Variants in NAALADL2 observed in about 807,000 individuals in gnomAD.
The protein encoded by NAALADL2 is inactive N-acetylated-alpha-linked acidic dipeptidase-like protein 2.
A neutral mutation model predicts 87.2 loss-of-function variants in NAALADL2; 76 were observed. The observed-to-expected ratio is 0.87, with a 90% CI of 0.72 to 1.05. The LOEUF is 1.05. Among genes scored for constraint, NAALADL2 ranks in the 50% least tolerant of loss-of-function variants. The pLI, the probability that NAALADL2 is intolerant of heterozygous loss-of-function variation, is 0.00. For synonymous variants in NAALADL2, 354 were observed against 331.0 expected (o/e 1.07, Z -0.75); for missense variants, 1,089 against 945.8 (o/e 1.15, Z -1.99).
At chr3:175,423,049 ATATT>A (rs1251858556) in intron 5 of NAALADL2, among the ~76,000 whole-genome samples, 34 of 112,522 alleles carry the variant, frequency 3.0e-4, no homozygotes, top group African/African-American at 9.7e-4. Flanking sequence ...ATATATATAT[ATATT>A]TTTTTTTTTT....
chr3:175,135,660 A>G (rs9880389), intron 2 of NAALADL2, among the ~76,000 whole-genome samples: 127,016 of 152,054 alleles, frequency 0.84, 53,265 homozygotes, highest in South Asian at 0.9. Context: ...GCAGATCATG[A>G]AGATAATACT....
At chr3:174,752,922 C>A (rs562542845) in intron 3 of NAALADL2, among the ~76,000 whole-genome samples, 2 of 152,232 alleles carry the variant, frequency 1.3e-5, no homozygotes, top group South Asian at 4.1e-4. Context: ...TAAACTGAGC[C>A]AGATGATGGA....
At chr3:174,542,403 G>C (rs1722326364) in intron 1 of NAALADL2, among the ~76,000 whole-genome samples, 2 of 152,130 alleles carry the variant, frequency 1.3e-5, no homozygotes, top group Non-Finnish European at 2.9e-5. Flanking sequence ...ATCTCTGGAT[G>C]CCTGATCTAA....
intron 12 of NAALADL2, among the ~76,000 whole-genome samples, chr3:175,746,086 C>T (rs150050329): frequency 3.3e-4 from 50 of 152,208 alleles, no homozygotes; most frequent in Admixed American, 1.7e-3. Context: ...GATTATCTCA[C>T]TAAATGTAAA....
chr3:174,707,500 C>T (rs1169148115), intron 2 of NAALADL2, among the ~76,000 whole-genome samples: 3 of 152,038 alleles, frequency 2.0e-5, no homozygotes, highest in Admixed American at 6.6e-5. Flanking sequence ...TTTGTAGCGA[C>T]ATGGATGAAG....
At chr3:175,755,721 A>G (rs1205650441) in intron 13 of NAALADL2, among the ~76,000 whole-genome samples, 1 of 150,584 alleles carries the variant, frequency 6.6e-6, no homozygotes, top group Non-Finnish European at 1.5e-5. Context: ...TTGCACTGAA[A>G]GAAATACACT....
chr3:175,205,325 G>A (rs930620687), intron 2 of NAALADL2, among the ~76,000 whole-genome samples: 5 of 152,062 alleles, frequency 3.3e-5, no homozygotes, highest in African/African-American at 1.2e-4. Context: ...CTTTGATGAA[G>A]CAAACAACTT....
At chr3:175,273,476 A>C (rs1753145301) in intron 4 of NAALADL2, among the ~76,000 whole-genome samples, 1 of 152,150 alleles carries the variant, frequency 6.6e-6, no homozygotes, top group African/African-American at 2.4e-5. Flanking sequence ...GTTACCTTCC[A>C]TGTTAGTATC....
chr3:175,256,604 G>A, intron 4 of NAALADL2, 74 bp downstream of exon 4: 1 of 1,441,776 alleles, frequency 6.9e-7, no homozygotes, highest in Non-Finnish European at 9.5e-7. Context: ...ATGCTTTTGT[G>A]AGTGTGGAGT....
At chr3:175,142,402 ACTAT>A (rs2108733314) in intron 2 of NAALADL2, among the ~76,000 whole-genome samples, 1 of 150,826 alleles carries the variant, frequency 6.6e-6, no homozygotes, top group Non-Finnish European at 1.5e-5. Flanking sequence ...CTGAGATCTT[ACTAT>A]GTATGTTACT....
intron 1 of NAALADL2, among the ~76,000 whole-genome samples, chr3:174,919,510 T>C (rs1330479333): frequency 1.3e-5 from 2 of 152,192 alleles, no homozygotes; most frequent in African/African-American, 4.8e-5. Flanking sequence ...ATTCATAAGA[T>C]TTGAGCAATT....
At chr3:174,468,893 G>C (rs908888213) in intron 1 of NAALADL2, among the ~76,000 whole-genome samples, 1 of 150,222 alleles carries the variant, frequency 6.7e-6, no homozygotes, top group Non-Finnish European at 1.5e-5. Flanking sequence ...CTTCCGAGTA[G>C]CTGGGATTAC....
intron 4 of NAALADL2, among the ~76,000 whole-genome samples, chr3:175,288,387 C>T (rs1189764353): frequency 6.6e-6 from 1 of 152,176 alleles, no homozygotes; most frequent in East Asian, 1.9e-4. Flanking sequence ...AGCAGCCTCA[C>T]AGACATACCC....
chr3:175,489,392 G>C (rs1727742440), intron 9 of NAALADL2, among the ~76,000 whole-genome samples: 1 of 152,144 alleles, frequency 6.6e-6, no homozygotes, highest in Admixed American at 6.5e-5. Flanking sequence ...AATGAAGCCT[G>C]TTCTCATTAC....
intron 9 of NAALADL2, among the ~76,000 whole-genome samples, chr3:175,520,775 T>C (rs968188115): frequency 6.6e-6 from 1 of 152,162 alleles, no homozygotes; most frequent in Non-Finnish European, 1.5e-5. Context: ...AGATGTATTC[T>C]TATAAATTAA....
At chr3:175,311,679 GCTTCCTTC>G (rs556747556) in intron 4 of NAALADL2, among the ~76,000 whole-genome samples, 4 of 116,552 alleles carry the variant, frequency 3.4e-5, no homozygotes, top group Non-Finnish European at 6.7e-5. Context: ...TTCCTTTCCT[GCTTCCTTC>G]CTTCCTTCCT....
At chr3:175,230,858 G>A (rs1744845920) in intron 2 of NAALADL2, among the ~76,000 whole-genome samples, 1 of 151,924 alleles carries the variant, frequency 6.6e-6, no homozygotes, top group Non-Finnish European at 1.5e-5. Context: ...AGGCATTTTG[G>A]CATTTTGGAA....
At chr3:175,570,092 A>C (rs1372088809) in intron 9 of NAALADL2, among the ~76,000 whole-genome samples, 1 of 152,210 alleles carries the variant, frequency 6.6e-6, no homozygotes, top group East Asian at 1.9e-4. Flanking sequence ...ATTAAGTTTC[A>C]GTCCAAAAGC....
At chr3:175,254,585 T>G (rs888742846) in intron 3 of NAALADL2, among the ~76,000 whole-genome samples, 4 of 152,158 alleles carry the variant, frequency 2.6e-5, no homozygotes, top group Non-Finnish European at 5.9e-5. Context: ...ATAAAAAAAG[T>G]TCACTTACAT....
Sources: allele counts gnomAD v4.1 joint callset (sites outside exome capture counted in the v4.1 genomes callset), GRCh38; gene constraint gnomAD v4.1.1; transcripts MANE v1.5; gene names NCBI Gene and HGNC (gene_info 2026-07-23, HGNC 2026-07-21).